Variants in ARHGEF7 observed in about 807,000 individuals in gnomAD.
ARHGEF7 encodes the protein Rho guanine nucleotide exchange factor 7, also known as PAK-interacting exchange factor beta.
Under a neutral mutation model 109.8 loss-of-function variants are expected in ARHGEF7, and 33 were observed. The observed-to-expected ratio is 0.30, with a 90% CI of 0.23 to 0.40. ARHGEF7 has a LOEUF of 0.40. Among genes scored for constraint, ARHGEF7 ranks in the 10% least tolerant of loss-of-function variants. The pLI is 1.00. For synonymous variants in ARHGEF7, 458 were observed against 424.6 expected (o/e 1.08, Z -0.97); for missense variants, 938 against 1,098.5 (o/e 0.85, Z 2.07).
intron 9 of ARHGEF7, among the ~76,000 whole-genome samples, chr13:111,271,935 C>T (rs766946571): frequency 5.3e-5 from 8 of 152,126 alleles, no homozygotes; most frequent in Non-Finnish European, 7.4e-5. Context: ...ACAGAGGTGC[C>T]GCACCCACAT....
chr13:111,298,492 C>T (rs148146804), intron 19 of ARHGEF7, among the ~76,000 whole-genome samples: 28 of 152,342 alleles, frequency 1.8e-4, no homozygotes, highest in African/African-American at 6.3e-4. Context: ...GGTCCTCTCC[C>T]GTGGCCTCTT....
At chr13:111,269,270 G>A (rs1002811166) in intron 9 of ARHGEF7, among the ~76,000 whole-genome samples, 2 of 152,226 alleles carry the variant, frequency 1.3e-5, no homozygotes, top group Non-Finnish European at 2.9e-5. Flanking sequence ...CGCAATGCAA[G>A]TGTTAAATTT....
intron 1 of ARHGEF7, among the ~76,000 whole-genome samples, chr13:111,128,126 AG>A (rs2067700374): frequency 6.6e-6 from 1 of 152,202 alleles, no homozygotes; most frequent in African/African-American, 2.4e-5. Context: ...AAAGACTAAA[AG>A]CTTTCCCCCT....
chr13:111,136,131 T>G (rs1372156030), intron 1 of ARHGEF7, among the ~76,000 whole-genome samples: 1 of 152,182 alleles, frequency 6.6e-6, no homozygotes, highest in Non-Finnish European at 1.5e-5. Flanking sequence ...CAGCCTTGCA[T>G]CCCAGGGATG....
intron 8 of ARHGEF7, among the ~76,000 whole-genome samples, chr13:111,257,773 G>T (rs932251060): frequency 2.6e-5 from 4 of 152,220 alleles, no homozygotes; most frequent in Non-Finnish European, 5.9e-5. Flanking sequence ...TGTGCACTTC[G>T]GAGAGGGGGA....
chr13:111,198,981 T>C lies in ARHGEF7; in HGVS notation c.253-6308T>C, dbSNP rs143260409. Reference sequence around the variant, plus strand: ...TGCTGATTGGTTCGTTTTTACAGAGTGCTGATAGGTGCGTTTACAAACCTT... The same window carrying C: ...TGCTGATTGGTTCGTTTTTACAGAGCGCTGATAGGTGCGTTTACAAACCTT... On this transcript the variant is annotated intron_variant, in intron 2 of 21. Coordinates refer to ENST00000646102, the MANE Select transcript of ARHGEF7 (RefSeq NM_001354046.2). Among the ~76,000 whole-genome samples the C allele has an allele frequency of 6.8e-3, 1,041 of 152,268 alleles. 11 individuals carry two copies. The highest frequency in any genetic ancestry group is 0.024 in the African/African-American group (986 of 41,552).
rs528167201 is a variant in ARHGEF7, at chr13:111,197,632, T to G, written c.253-7657T>G. On this transcript the variant is annotated intron_variant, in intron 2 of 21. Transcript: ENST00000646102. Reference sequence around the variant, plus strand: ...GTGATGCCTTTTGTCCTCACTTATATGAATAGGAAGGATACAATTTCTGAG... The same window carrying G: ...GTGATGCCTTTTGTCCTCACTTATAGGAATAGGAAGGATACAATTTCTGAG... 1.6e-4 allele frequency among the ~76,000 whole-genome samples: 25 copies of G among 151,718 alleles called. No individual in the cohort carries two copies. The East Asian group carries it at 4.6e-3, about 28-fold the overall frequency.
At position 111,217,672 on chromosome 13, in the gene ARHGEF7, C is replaced by T; in HGVS notation, c.469-7C>T. On this transcript the variant is annotated splice_region_variant and splice_polypyrimidine_tract_variant and intron_variant, in intron 4 of 21. Coordinates refer to ENST00000646102, the MANE Select transcript of ARHGEF7 (RefSeq NM_001354046.2). ...TAATTTTTCTCCCACTCTTCTTCCC[C>T]TTTTAGGACATGACCGATAATAGCA... 6.2e-7 allele frequency: 1 copy of T among 1,612,998 alleles called. No individual in the cohort carries two copies. The highest frequency in any genetic ancestry group is 2.2e-5 in the East Asian group (1 of 44,856).
chr13:111,267,229 C>T (rs1801227803), intron 8 of ARHGEF7, among the ~76,000 whole-genome samples: 1 of 152,190 alleles, frequency 6.6e-6, no homozygotes. Context: ...AATAATTCTC[C>T]TTATTTTATG....
Position 111,303,004 on chromosome 13 carries a change from TGAA to T in ARHGEF7, c.2484_2486del (p.Lys829del). On this transcript the variant is annotated inframe_deletion, in exon 22 of 22. Coordinates refer to ENST00000646102, the MANE Select transcript of ARHGEF7 (RefSeq NM_001354046.2). Reference sequence around the variant, plus strand: ...CTTAATTTACAGGACAACAAAAAGATGAAGAAATCTCTAGAGGAAGAACAGAGA... The same window carrying T: ...CTTAATTTACAGGACAACAAAAAGATGAAATCTCTAGAGGAAGAACAGAGA... 1 of 1,614,096 alleles carries T rather than the reference TGAA, an allele frequency of 6.2e-7. No individual in the cohort carries two copies. The highest frequency in any genetic ancestry group is 8.5e-7 in the Non-Finnish European group (1 of 1,180,006).
In ARHGEF7 at chr13:111,145,579, C is replaced by T. The variant is rs1208101161; in HGVS notation, c.166-8326C>T. Among the ~76,000 whole-genome samples the T allele has an allele frequency of 1.3e-5, 2 of 152,086 alleles. No homozygotes were observed. Among genetic ancestry groups the T allele is most frequent in the Non-Finnish European group, 2.9e-5 (2 of 68,032 alleles). On this transcript the variant is annotated intron_variant, in intron 1 of 21. Transcript: ENST00000646102. This position sits in a 1 kb window ranked among gnomAD's most constrained non-coding sequence, Gnocchi z 4.3. ...TGGGAGGGGTGGCCCTGGCGTGTAC[C>T]GTTTGCTGATTTCTGTGCCGTAGGT... is the stretch of plus-strand genomic sequence containing the variant.
At chr13:111,265,438 C>T in intron 8 of ARHGEF7, 1 of 377,070 alleles carries the variant, frequency 2.7e-6, no homozygotes, top group South Asian at 2.0e-5. Flanking sequence ...GAGGTTTTTC[C>T]TAATACTTGT....
intron 1 of ARHGEF7, among the ~76,000 whole-genome samples, chr13:111,144,976 T>C (rs2075517248): frequency 2.0e-5 from 3 of 152,176 alleles, no homozygotes; most frequent in Admixed American, 2.0e-4. Flanking sequence ...TTAAGTGGCA[T>C]ATGCTTGCAG....
At chr13:111,234,528 C>T (rs1475428718) in intron 6 of ARHGEF7, among the ~76,000 whole-genome samples, 1 of 152,170 alleles carries the variant, frequency 6.6e-6, no homozygotes, top group African/African-American at 2.4e-5. Flanking sequence ...TACGGGAACA[C>T]AATGGTCTTT....
chr13:111,144,596 A>C (rs1191974777), intron 1 of ARHGEF7: 1 of 152,214 alleles, frequency 6.6e-6, no homozygotes, highest in Non-Finnish European at 1.5e-5. Context: ...AATTAGAATA[A>C]AGCAGTGACT....
chr13:111,293,623 T>C (rs1351513393), intron 19 of ARHGEF7: 2 of 985,290 alleles, frequency 2.0e-6, no homozygotes, highest in African/African-American at 3.5e-5. Context: ...ATGCACGCTC[T>C]ATTTGGTGTT....
chr13:111,115,652 C>G lies in ARHGEF7; in HGVS notation c.126C>G (p.Cys42Trp). Residue 42 changes from cysteine to tryptophan, a missense_variant, in exon 1 of 22, where the codon TGC (cysteine) becomes TGG (tryptophan). Cys to Trp is a radical substitution (Grantham distance 215). This residue lies in a region of ARHGEF7 where 165 missense variants were observed against 125.8 expected (regional missense o/e 1.31). Coordinates refer to ENST00000646102, the MANE Select transcript of ARHGEF7 (RefSeq NM_001354046.2). ...QASLKDGVVL[C>W]RLLERLLPGT... ...CGCTGAAGGATGGGGTGGTCCTCTG[C>G]AGGCTGCTGGAGCGCCTGCTCCCCG... 1 of 1,355,518 alleles carries G rather than the reference C, an allele frequency of 7.4e-7. No homozygotes were observed. The highest frequency in any genetic ancestry group is 1.6e-5 in the South Asian group (1 of 61,404). The allele number at this position is 1,355,518 out of a possible 1,614,324, so 84.0% of individuals were successfully genotyped here.
intron 6 of ARHGEF7, chr13:111,241,113 T>A (rs2087700195): frequency 6.0e-6 from 9 of 1,504,550 alleles, no homozygotes; most frequent in Non-Finnish European, 8.0e-6. Flanking sequence ...TGCACTTGCC[T>A]CTCCATGCCT....
intron 2 of ARHGEF7, among the ~76,000 whole-genome samples, chr13:111,177,333 T>C (rs2078267233): frequency 6.6e-6 from 1 of 152,220 alleles, no homozygotes; most frequent in African/African-American, 2.4e-5. Context: ...TTATCGTCCT[T>C]TTGTCCCTCT....
Sources: allele counts gnomAD v4.1 joint callset (sites outside exome capture counted in the v4.1 genomes callset), GRCh38; gene constraint gnomAD v4.1.1; regional missense constraint gnomAD v4.1.1; non-coding constraint Gnocchi (gnomAD v3.1); transcripts MANE v1.5; gene names NCBI Gene and HGNC (gene_info 2026-07-23, HGNC 2026-07-21).